The following CAST variants were observed in gnomAD, a reference collection of about 807,000 sequenced individuals.
CAST encodes the protein MIR583 host.
Under a neutral mutation model 119.6 loss-of-function variants are expected in CAST, and 76 were observed. That is an observed-to-expected ratio of 0.64 (90% CI 0.53 to 0.77). The LOEUF is 0.77. Among genes scored for constraint, CAST ranks in the 30% least tolerant of loss-of-function variants. CAST has a pLI of 0.00. For synonymous variants in CAST, 319 were observed against 331.6 expected, an observed-to-expected ratio of 0.96 and a Z score of 0.41; for missense variants, 953 against 946.5, an observed-to-expected ratio of 1.01 and a Z score of -0.09.
intron 1 of CAST, among the ~76,000 whole-genome samples, chr5:96,586,998 C>T (rs1264939791): frequency 6.6e-6 from 1 of 152,162 alleles, no homozygotes; most frequent in Non-Finnish European, 1.5e-5. Flanking sequence ...GGTAGGAAAA[C>T]CACCTTCAAA....
chr5:96,548,659 A>G (rs555163367), intron 1 of CAST, among the ~76,000 whole-genome samples: 1 of 152,166 alleles, frequency 6.6e-6, no homozygotes, highest in Non-Finnish European at 1.5e-5. Flanking sequence ...CTCTGCCTAC[A>G]AAGGGGGAAC....
At chr5:96,317,377 T>C in the CAST span, among the ~76,000 whole-genome samples, 25 of 146,994 alleles carry the variant, frequency 1.7e-4, no homozygotes, top group East Asian at 4.0e-3. Flanking sequence ...CTAGGGAGGC[T>C]GAGGCAGGAG....
At chr5:96,052,287 A>G in the CAST span, among the ~76,000 whole-genome samples, 1 of 152,210 alleles carries the variant, frequency 6.6e-6, no homozygotes, top group East Asian at 1.9e-4. Context: ...TTGGTGGGCT[A>G]GATCGGTCAG....
chr5:96,749,976 A>C (rs1362876259), intron 19 of CAST, among the ~76,000 whole-genome samples: 1 of 152,086 alleles, frequency 6.6e-6, no homozygotes. Flanking sequence ...TTCTTAGTAC[A>C]TGGGGCAGGG....
At chr5:96,686,711 AG>A (rs1752121608) in intron 2 of CAST, among the ~76,000 whole-genome samples, 1 of 152,228 alleles carries the variant, frequency 6.6e-6, no homozygotes, top group African/African-American at 2.4e-5. Flanking sequence ...ATTTATGTAA[AG>A]AACAGCAGAT....
the CAST span, among the ~76,000 whole-genome samples, chr5:96,224,679 T>C: frequency 1.3e-5 from 2 of 152,120 alleles, no homozygotes; most frequent in African/African-American, 4.8e-5. Context: ...CAGAATCCTG[T>C]CCCCTAGCAC....
intron 2 of CAST, among the ~76,000 whole-genome samples, chr5:96,694,646 C>T (rs192409168): frequency 1.3e-5 from 2 of 152,002 alleles, no homozygotes; most frequent in Admixed American, 1.3e-4. Context: ...AACAAACAAA[C>T]AAACAAACAA....
At chr5:96,697,193 A>T (rs1202128493) in intron 3 of CAST, among the ~76,000 whole-genome samples, 1 of 152,218 alleles carries the variant, frequency 6.6e-6, no homozygotes, top group African/African-American at 2.4e-5. Context: ...AAGTTGTTAC[A>T]TTCAACCCAT....
chr5:96,048,753 A>G, the CAST span, among the ~76,000 whole-genome samples: 52 of 152,284 alleles, frequency 3.4e-4, no homozygotes, highest in Admixed American at 9.2e-4. Flanking sequence ...GAAGGCTTTC[A>G]TGCATGGCTT....
the CAST span, among the ~76,000 whole-genome samples, chr5:96,289,327 G>T: frequency 6.6e-6 from 1 of 152,084 alleles, no homozygotes; most frequent in Admixed American, 6.6e-5. Flanking sequence ...TCTAATCCTG[G>T]CTGATATGGT....
At chr5:96,069,381 GTCTA>G in the CAST span, among the ~76,000 whole-genome samples, 47,589 of 134,016 alleles carry the variant, frequency 0.36, 7,899 homozygotes, top group African/African-American at 0.46. Context: ...GTGTGTGTGT[GTCTA>G]TGTGTGTGTG....
chr5:96,439,105 G>T, the CAST span, among the ~76,000 whole-genome samples: 23,460 of 152,026 alleles, frequency 0.15, 2,378 homozygotes, highest in Non-Finnish European at 0.23. Context: ...ATTTATAATG[G>T]TTGCATAGCT....
At chr5:96,424,999 G>GAGAGAAAGA in the CAST span, among the ~76,000 whole-genome samples, 1 of 93,178 alleles carries the variant, frequency 1.1e-5, no homozygotes, top group Admixed American at 1.2e-4. Flanking sequence ...GAAAGAAAGA[G>GAGAGAAAGA]AAAGAAAGAA....
chr5:96,620,006 C>T (rs973771382), intron 1 of CAST, among the ~76,000 whole-genome samples: 13 of 152,198 alleles, frequency 8.5e-5, no homozygotes, highest in African/African-American at 3.1e-4. Context: ...TTTCAGGGCT[C>T]TCATGAAAAT....
At chr5:96,668,646 G>T (rs976466829) in intron 1 of CAST, among the ~76,000 whole-genome samples, 1 of 152,142 alleles carries the variant, frequency 6.6e-6, no homozygotes, top group Non-Finnish European at 1.5e-5. Flanking sequence ...TTTACAAAAA[G>T]AAACTGAAAA....
At position 96,748,503 on chromosome 5, in the gene CAST, C is replaced by G; in HGVS notation, c.1333-15C>G. The G allele has an allele frequency of 7.5e-7, 1 of 1,340,350 alleles. No individual in the cohort carries two copies. The highest frequency in any genetic ancestry group is 1.1e-6 in the Non-Finnish European group (1 of 941,038). 83.0% of individuals were successfully genotyped at this position (1,340,350 alleles called of 1,614,324 possible). ...AAGAGTCCCCTTGTAATATACAGCA[C>G]TTCTTATATTACAGCCTCGGAGTGA... On this transcript the variant is annotated splice_polypyrimidine_tract_variant and intron_variant, in intron 18 of 31. Transcript: ENST00000675179.
chr5:96,729,587 TG>T, intron 7 of CAST, 24 bp from the exon 8 acceptor site: 1 of 884,342 alleles, frequency 1.1e-6, no homozygotes, highest in Non-Finnish European at 1.9e-6. Flanking sequence ...TATATGTGTG[TG>T]GGCACCTGTG....
At chr5:96,555,070 T>C (rs892123253) in intron 1 of CAST, among the ~76,000 whole-genome samples, 1 of 152,234 alleles carries the variant, frequency 6.6e-6, no homozygotes, top group African/African-American at 2.4e-5. Context: ...CCCAAAGGCT[T>C]ATAAATCATC....
intron 1 of CAST, among the ~76,000 whole-genome samples, chr5:96,626,417 G>C (rs1187611202): frequency 6.6e-6 from 1 of 152,102 alleles, no homozygotes; most frequent in Non-Finnish European, 1.5e-5. Flanking sequence ...AACTGACACA[G>C]GCCTCTTGGT....
Sources: allele counts gnomAD v4.1 joint callset (sites outside exome capture counted in the v4.1 genomes callset), GRCh38; gene constraint gnomAD v4.1.1; transcripts MANE v1.5; gene names NCBI Gene and HGNC (gene_info 2026-07-23, HGNC 2026-07-21).